The following TRIM2 variants were observed in gnomAD, a reference collection of about 807,000 sequenced individuals.
The protein encoded by TRIM2 is tripartite motif containing 2.
TRIM2 carries 20 observed loss-of-function variants against 75.2 expected under a neutral mutation model. The ratio of observed to expected loss-of-function variants is 0.27; its 90% CI spans 0.19 to 0.39. The LOEUF (loss-of-function observed/expected upper bound fraction) is 0.39. Ranked by LOEUF, TRIM2 falls within the 10% of genes least tolerant of loss-of-function variation. The pLI is 1.00. For synonymous variants in TRIM2, 373 were observed against 388.3 expected (o/e 0.96, Z 0.46); for missense variants, 660 against 990.8 (o/e 0.67, Z 4.48).
At chr4:153,293,193 G>A in intron 4 of TRIM2, 60 bp downstream of exon 4, 2 of 1,517,256 alleles carry the variant, frequency 1.3e-6, no homozygotes, top group Middle Eastern at 2.3e-4. Context: ...TGGCCTCATG[G>A]CCTCTTGTCT....
intron 1 of TRIM2, among the ~76,000 whole-genome samples, chr4:153,234,157 A>T (rs970202511): frequency 1.3e-5 from 2 of 152,202 alleles, no homozygotes; most frequent in African/African-American, 4.8e-5. Context: ...GCTTCCACAG[A>T]CATGTCCTTG....
At chr4:153,182,301 A>C (rs1732146184) in intron 1 of TRIM2, among the ~76,000 whole-genome samples, 1 of 152,186 alleles carries the variant, frequency 6.6e-6, no homozygotes, top group Non-Finnish European at 1.5e-5. Context: ...ATGGCAAGTG[A>C]AGAGACTGGG....
intron 1 of TRIM2, among the ~76,000 whole-genome samples, chr4:153,246,688 AG>A (rs1225430866): frequency 3.3e-5 from 5 of 152,130 alleles, no homozygotes; most frequent in Non-Finnish European, 7.4e-5. Context: ...GGAAGAATAG[AG>A]GATGAGAGAC....
chr4:153,179,757 T>C (rs1731856363), intron 1 of TRIM2, among the ~76,000 whole-genome samples: 1 of 152,158 alleles, frequency 6.6e-6, no homozygotes, highest in African/African-American at 2.4e-5. Context: ...AAGGGGTGTT[T>C]AGAAAATCAG....
intron 1 of TRIM2, among the ~76,000 whole-genome samples, chr4:153,214,138 A>G (rs1560824294): frequency 1.3e-5 from 2 of 152,240 alleles, no homozygotes; most frequent in Non-Finnish European, 1.5e-5. Context: ...AGCATAAGAT[A>G]TAAACATTTA....
Position 153,270,478 on chromosome 4 carries a change from G to C in TRIM2, c.174G>C (p.Lys58Asn), listed in dbSNP as rs761716930. The C allele has an allele frequency of 6.2e-7, 1 of 1,613,418 alleles. No homozygotes were observed. Among genetic ancestry groups the C allele is most frequent in the Non-Finnish European group, 8.5e-7 (1 of 1,179,726 alleles). ...GCAGTATATGCCTGGAACGGTACAA[G>C]AATCCCAAGGTTCTCCCCTGTCTGC... The part of the protein sequence containing the change: ...LICSICLERY[K>N]NPKVLPCLHT... The change falls in exon 2 of 12, where the codon AAG (lysine) becomes AAC (asparagine). Residue 58 changes from lysine (K) to asparagine (N), a missense_variant. By Grantham distance (94) the Lys-to-Asn change is moderately conservative. Around this residue, in one of 2 missense-constraint regions of TRIM2, gnomAD observed 620 missense variants for 891.0 expected, o/e 0.70. Transcript: ENST00000338700.
At chr4:153,296,647 G>A (rs1042906944) in intron 6 of TRIM2, among the ~76,000 whole-genome samples, 2 of 152,332 alleles carry the variant, frequency 1.3e-5, no homozygotes, top group African/African-American at 4.8e-5. Context: ...GGTTGGGGTG[G>A]AAGCAAGAAG....
At chr4:153,271,766 A>G (rs1271085340) in intron 2 of TRIM2, among the ~76,000 whole-genome samples, 1 of 152,194 alleles carries the variant, frequency 6.6e-6, no homozygotes, top group Non-Finnish European at 1.5e-5. Context: ...CTAATAGTCC[A>G]TGTGTCCCTG....
At chr4:153,163,501 T>A (rs1005126799) in intron 1 of TRIM2, among the ~76,000 whole-genome samples, 28 of 144,554 alleles carry the variant, frequency 1.9e-4, no homozygotes, top group Non-Finnish European at 3.3e-4. Context: ...ACATCTTTTT[T>A]TTTTTTTTTT....
At position 153,338,609 on chromosome 4, in the gene TRIM2, T is replaced by C. The variant is rs139195086; in HGVS notation, c.*3643T>C. ...ACTAAGTGCCCATCAAAGATTTGTT[T>C]GGTATAAATAAAGAATTATTTGTTT... is the stretch of plus-strand genomic sequence containing the variant. On this transcript the variant is annotated 3_prime_UTR_variant, in exon 12 of 12. Coordinates refer to ENST00000338700, the MANE Select transcript of TRIM2 (RefSeq NM_015271.5). 117 of 985,290 alleles carry C rather than the reference T, an allele frequency of 1.2e-4. 1 individual carries two copies. The East Asian group carries it at 0.011, about 90-fold the overall frequency. The allele number at this position is 985,290 out of a possible 1,614,324, so 61.0% of individuals were successfully genotyped here. A position where few individuals can be genotyped will look rare whatever the true frequency, so the allele number is the denominator to read the frequency against.
intron 1 of TRIM2, among the ~76,000 whole-genome samples, chr4:153,269,798 G>A (rs573047015): frequency 6.6e-6 from 1 of 152,312 alleles, no homozygotes; most frequent in Non-Finnish European, 1.5e-5. Context: ...TGGCGAACAT[G>A]TGAGGATTTT....
At chr4:153,294,525 G>T in intron 5 of TRIM2, 40 bp downstream of exon 5, 2 of 1,596,852 alleles carry the variant, frequency 1.3e-6, no homozygotes, top group South Asian at 1.1e-5. Flanking sequence ...GAAGAGACAT[G>T]ATATCCAAGG....
chr4:153,206,365 CT>C, intron 1 of TRIM2, among the ~76,000 whole-genome samples: 1 of 152,192 alleles, frequency 6.6e-6, no homozygotes, highest in Admixed American at 6.5e-5. Context: ...AGATTGACTT[CT>C]TGGGGTCACT....
At chr4:153,197,767 G>A (rs185238220) in intron 1 of TRIM2, among the ~76,000 whole-genome samples, 13 of 152,292 alleles carry the variant, frequency 8.5e-5, no homozygotes, top group African/African-American at 2.9e-4. Context: ...CAGCTACTCA[G>A]GAGGCTGAGG....
intron 1 of TRIM2, among the ~76,000 whole-genome samples, chr4:153,163,493 A>ATATTTTTTTTTTTTTT (rs1390228832): frequency 1.2e-5 from 1 of 80,882 alleles, no homozygotes. Flanking sequence ...CTAGATTTAC[A>ATATTTTTTTTTTTTTT]TCTTTTTTTT....
chr4:153,237,246 T>C (rs1745269143), intron 1 of TRIM2, among the ~76,000 whole-genome samples: 1 of 152,210 alleles, frequency 6.6e-6, no homozygotes, highest in African/African-American at 2.4e-5. Flanking sequence ...CAATTAGGCA[T>C]GTAAACATTA....
rs1752330652 is a variant in TRIM2 at position 153,257,409 on chromosome 4, T to C, written c.31-12926T>C. 6 of 1,139,090 alleles carry C rather than the reference T, an allele frequency of 5.3e-6. No homozygotes were observed. The South Asian group carries it at 1.2e-4, about 22-fold the overall frequency. 70.6% of individuals were successfully genotyped at this position (1,139,090 alleles called of 1,614,324 possible). On this transcript the variant is annotated intron_variant, in intron 1 of 11. Transcript: ENST00000338700. ...CAACAGACGCTCAGTGAGAAAAAGA[T>C]GTCCTGTAAGATCAAGACCGATTGG...
intron 6 of TRIM2, among the ~76,000 whole-genome samples, chr4:153,304,050 G>A (rs1414036819): frequency 6.6e-6 from 1 of 152,144 alleles, no homozygotes; most frequent in African/African-American, 2.4e-5. Flanking sequence ...CAGGATGGTG[G>A]GGGGAGAAGG....
At chr4:153,292,270 T>C (rs1761975939) in intron 3 of TRIM2, among the ~76,000 whole-genome samples, 1 of 152,240 alleles carries the variant, frequency 6.6e-6, no homozygotes, top group Non-Finnish European at 1.5e-5. Flanking sequence ...AGCCAGACGC[T>C]GCAGATATTT....
Sources: gnomAD v4.1 joint callset for allele counts (sites outside exome capture counted in the v4.1 genomes callset) on GRCh38, gnomAD v4.1.1 for gene constraint, gnomAD v4.1.1 regional missense constraint, MANE v1.5 for transcripts, NCBI Gene and HGNC (gene_info 2026-07-23, HGNC 2026-07-21) for gene names.